Variants in PPFIA2 observed in about 807,000 individuals in gnomAD.
The protein encoded by PPFIA2 is liprin-alpha-2.
PPFIA2 carries 46 observed loss-of-function variants against 175.5 expected under a neutral mutation model. The ratio of observed to expected loss-of-function variants is 0.26; its 90% CI spans 0.21 to 0.34. PPFIA2 has a LOEUF of 0.34. PPFIA2 is among the 10% of genes least tolerant of loss of function. PPFIA2 has a pLI of 1.00. For synonymous variants in PPFIA2, 568 were observed against 511.4 expected (o/e 1.11, Z -1.49); for missense variants, 1,179 against 1,506.1 (o/e 0.78, Z 3.60).
intron 27 of PPFIA2, among the ~76,000 whole-genome samples, chr12:81,279,714 T>A (rs78713608): frequency 0.011 from 1,612 of 152,228 alleles, 25 homozygotes; most frequent in African/African-American, 0.036. Context: ...TTTACTAAAG[T>A]AATAAAACAG....
chr12:81,695,746 T>G (rs1417631049), intron 3 of PPFIA2, among the ~76,000 whole-genome samples: 2 of 152,198 alleles, frequency 1.3e-5, no homozygotes, highest in Admixed American at 1.3e-4. Context: ...AAATATAGTT[T>G]CATTAGCAAA....
intron 4 of PPFIA2, among the ~76,000 whole-genome samples, chr12:81,658,925 A>T (rs1391799100): frequency 2.0e-5 from 3 of 152,216 alleles, no homozygotes; most frequent in Non-Finnish European, 4.4e-5. Flanking sequence ...AAAATAATTT[A>T]TATTGCACTT....
chr12:81,650,164 T>C (rs1419206242), intron 4 of PPFIA2, among the ~76,000 whole-genome samples: 1 of 152,010 alleles, frequency 6.6e-6, no homozygotes, highest in Non-Finnish European at 1.5e-5. Context: ...CGCCCGCCAC[T>C]GCACCCAGCT....
At position 81,674,531 on chromosome 12, in the gene PPFIA2, G is replaced by A. The variant is rs2072071307; in HGVS notation, c.303+2260C>T. Among the ~76,000 whole-genome samples the A allele has an allele frequency of 3.9e-5, 6 of 152,140 alleles. No homozygotes were observed. In the South Asian group the frequency reaches 1.2e-3, roughly 32 times the overall value. ...AGAAATACAAAAATTAGTTGGGCAT[G>A]CTGGCGCATGCCTGTGATCTCAGCT... is the stretch of plus-strand genomic sequence containing the variant. On this transcript the variant is annotated intron_variant, in intron 4 of 32. Coordinates refer to ENST00000549396, the MANE Select transcript of PPFIA2 (RefSeq NM_003625.5).
intron 4 of PPFIA2, among the ~76,000 whole-genome samples, chr12:81,494,211 A>G (rs11114885): frequency 0.071 from 10,790 of 152,166 alleles, 545 homozygotes; most frequent in East Asian, 0.2. Context: ...AAGGGCTAAT[A>G]TCCAGAATCT....
At chr12:81,742,778 A>T (rs983728007) in intron 3 of PPFIA2, among the ~76,000 whole-genome samples, 1 of 152,174 alleles carries the variant, frequency 6.6e-6, no homozygotes. Context: ...GGAAGATGGC[A>T]AGTGAACGAT....
chr12:81,480,158 T>C (rs2058035192), intron 4 of PPFIA2, among the ~76,000 whole-genome samples: 1 of 152,160 alleles, frequency 6.6e-6, no homozygotes, highest in South Asian at 2.1e-4. Flanking sequence ...TTCATTAAGT[T>C]AATCTTCAAT....
intron 26 of PPFIA2, 191 bp downstream of exon 26, chr12:81,282,819 T>C: frequency 2.3e-6 from 1 of 427,378 alleles, no homozygotes; most frequent in East Asian, 3.6e-5. Flanking sequence ...GTCAATCATC[T>C]TATTTTAAAA....
chr12:81,341,180 T>G lies in PPFIA2; in HGVS notation c.2291A>C (p.Glu764Ala), dbSNP rs1160087774. The change falls in exon 20 of 33, where the codon GAG (glutamate) becomes GCG (alanine). Residue 764 changes from glutamate to alanine, a missense_variant. Around this residue, in one of 10 missense-constraint regions of PPFIA2, gnomAD observed 223 missense variants for 241.6 expected, o/e 0.92. Transcript: ENST00000549396. ...TTCACATTTAATTGTTGCTTTGTCCTCTCGACCATCTTCTTCCACAACTGC... is the reference window on the plus strand; with the variant it reads ...TTCACATTTAATTGTTGCTTTGTCCGCTCGACCATCTTCTTCCACAACTGC... ...KIAVVEEDGREDKATIKCETS... is the reference protein window; with the variant it reads ...KIAVVEEDGRADKATIKCETS... The G allele has an allele frequency of 1.9e-6, 3 of 1,611,996 alleles. No individual in the cohort carries two copies. Among genetic ancestry groups the G allele is most frequent in the Non-Finnish European group, 2.5e-6 (3 of 1,178,600 alleles).
chr12:81,391,267 G>T (rs190126812), intron 8 of PPFIA2, among the ~76,000 whole-genome samples: 1 of 151,898 alleles, frequency 6.6e-6, no homozygotes. Flanking sequence ...GAAAGGAGGG[G>T]AGTACTTATT....
intron 28 of PPFIA2, among the ~76,000 whole-genome samples, chr12:81,270,285 AT>A (rs1166790551): frequency 1.3e-5 from 2 of 151,900 alleles, no homozygotes; most frequent in Admixed American, 1.3e-4. Flanking sequence ...TGTATTTCTC[AT>A]TTTTGTTCTT....
intron 7 of PPFIA2, among the ~76,000 whole-genome samples, chr12:81,406,136 G>C (rs1020050442): frequency 3.9e-5 from 6 of 152,126 alleles, no homozygotes; most frequent in African/African-American, 1.4e-4. Context: ...TTAAAGCACT[G>C]TAAAATTTAC....
At chr12:81,541,594 T>A (rs2066217669) in intron 4 of PPFIA2, among the ~76,000 whole-genome samples, 1 of 152,108 alleles carries the variant, frequency 6.6e-6, no homozygotes, top group Non-Finnish European at 1.5e-5. Context: ...AAAAAAATAC[T>A]TGTGAAAAAA....
chr12:81,517,469 G>T (rs915088557), intron 4 of PPFIA2, among the ~76,000 whole-genome samples: 1 of 152,138 alleles, frequency 6.6e-6, no homozygotes, highest in Non-Finnish European at 1.5e-5. Context: ...GATCCTCAAA[G>T]TTGCTGACGA....
chr12:81,497,669 A>C (rs2060177773), intron 4 of PPFIA2, among the ~76,000 whole-genome samples: 1 of 150,044 alleles, frequency 6.7e-6, no homozygotes, highest in Admixed American at 6.7e-5. Flanking sequence ...CCTCCTGAGT[A>C]GCTGGCATTA....
At chr12:81,489,848 T>C (rs1459368580) in intron 4 of PPFIA2, among the ~76,000 whole-genome samples, 1 of 151,902 alleles carries the variant, frequency 6.6e-6, no homozygotes, top group Non-Finnish European at 1.5e-5. Context: ...ATGGCATAAC[T>C]TACTATTTAT....
chr12:81,526,729 T>C (rs1490463470), intron 4 of PPFIA2, among the ~76,000 whole-genome samples: 2 of 152,190 alleles, frequency 1.3e-5, no homozygotes, highest in South Asian at 2.1e-4. Flanking sequence ...TTTGTAAAGA[T>C]AGAAGCAACA....
chr12:81,686,034 C>G (rs982407061), intron 3 of PPFIA2, among the ~76,000 whole-genome samples: 10 of 151,950 alleles, frequency 6.6e-5, no homozygotes, highest in African/African-American at 2.4e-4. Context: ...ACCAAAGAGG[C>G]TGATTCCAGA....
intron 28 of PPFIA2, among the ~76,000 whole-genome samples, chr12:81,276,089 C>A (rs1007636931): frequency 6.6e-6 from 1 of 151,968 alleles, no homozygotes; most frequent in Admixed American, 6.6e-5. Flanking sequence ...TGGCCTTTTT[C>A]TTCTTTAAAC....
Sources: allele counts gnomAD v4.1 joint callset (sites outside exome capture counted in the v4.1 genomes callset), GRCh38; gene constraint gnomAD v4.1.1; regional missense constraint gnomAD v4.1.1; transcripts MANE v1.5; gene names NCBI Gene and HGNC (gene_info 2026-07-23, HGNC 2026-07-21).